CEP128: variants seen among roughly 807,000 people sequenced by gnomAD.
CEP128 encodes the protein centrosomal protein 128.
Under a neutral mutation model 156.7 loss-of-function variants are expected in CEP128, and 132 were observed. The ratio of observed to expected loss-of-function variants is 0.84; its 90% CI spans 0.73 to 0.97. The LOEUF is 0.97. Ranked by LOEUF, CEP128 falls within the 50% of genes least tolerant of loss-of-function variation. CEP128 has a pLI of 0.00. For synonymous variants in CEP128, 469 were observed against 448.9 expected (o/e 1.04, Z -0.57); for missense variants, 1,252 against 1,281.9 (o/e 0.98, Z 0.36).
rs576483343 is a variant in CEP128, at chr14:80,716,695, G to C, written c.2806+26380C>G. Among the ~76,000 whole-genome samples the C allele has an allele frequency of 5.9e-5, 9 of 152,262 alleles. No homozygotes were observed. In the South Asian group the frequency reaches 1.7e-3, roughly 28 times the overall value. On this transcript the variant is annotated intron_variant, in intron 19 of 24. Coordinates refer to ENST00000555265, the MANE Select transcript of CEP128 (RefSeq NM_152446.5). ...ATCCTTAAGGCTGTTGTAAACATTTGGCTGCTATGTACATGCGTGTACGGG... is the reference window on the plus strand; with the variant it reads ...ATCCTTAAGGCTGTTGTAAACATTTCGCTGCTATGTACATGCGTGTACGGG...
chr14:80,640,388 A>G (rs1894358029), intron 19 of CEP128, among the ~76,000 whole-genome samples: 1 of 152,136 alleles, frequency 6.6e-6, no homozygotes, highest in African/African-American at 2.4e-5. Context: ...TTTTCTATTA[A>G]TTCTTCAAGC....
At chr14:80,570,904 T>C (rs552036690) in intron 20 of CEP128, among the ~76,000 whole-genome samples, 2 of 152,128 alleles carry the variant, frequency 1.3e-5, no homozygotes, top group Non-Finnish European at 2.9e-5. Flanking sequence ...ACATACTATA[T>C]CAATAAAATT....
intron 2 of CEP128, among the ~76,000 whole-genome samples, chr14:80,957,516 C>G (rs1193624790): frequency 6.6e-6 from 1 of 151,958 alleles, no homozygotes; most frequent in African/African-American, 2.4e-5. Context: ...TATGCCAGGT[C>G]TCTGAATGTC....
At chr14:80,683,326 A>G (rs539784393) in intron 19 of CEP128, among the ~76,000 whole-genome samples, 2 of 152,286 alleles carry the variant, frequency 1.3e-5, no homozygotes, top group East Asian at 3.9e-4. Context: ...CAATTCTTAT[A>G]TTAGATGAAA....
intron 20 of CEP128, among the ~76,000 whole-genome samples, chr14:80,576,661 CTG>C (rs1891374460): frequency 6.7e-6 from 1 of 148,228 alleles, no homozygotes; most frequent in Non-Finnish European, 1.5e-5. Context: ...GTGTCTGTGT[CTG>C]TGTCTGTGTC....
chr14:80,589,538 G>C (rs1255568335), intron 19 of CEP128, among the ~76,000 whole-genome samples: 1 of 152,092 alleles, frequency 6.6e-6, no homozygotes, highest in African/African-American at 2.4e-5. Context: ...AATGTAACAT[G>C]TCATAAGCTG....
chr14:80,790,755 T>C (rs998930307), intron 14 of CEP128, among the ~76,000 whole-genome samples: 3 of 152,148 alleles, frequency 2.0e-5, no homozygotes, highest in East Asian at 1.9e-4. Context: ...TGCCGTTTTG[T>C]ATATTTTTTA....
intron 13 of CEP128, chr14:80,830,439 G>C: frequency 2.6e-6 from 1 of 384,526 alleles, no homozygotes; most frequent in Non-Finnish European, 4.7e-6. Flanking sequence ...AACAGATACA[G>C]GGAGGATTGA....
chr14:80,524,971 A>T (rs1040536903), intron 23 of CEP128, among the ~76,000 whole-genome samples: 1 of 152,226 alleles, frequency 6.6e-6, no homozygotes, highest in Admixed American at 6.5e-5. Context: ...CGATGAGATT[A>T]CTTGCTGAAC....
chr14:80,749,171 G>C (rs1342934702), intron 18 of CEP128, among the ~76,000 whole-genome samples: 1 of 151,998 alleles, frequency 6.6e-6, no homozygotes, highest in Non-Finnish European at 1.5e-5. Context: ...GGAAAGTAGG[G>C]AAGAGAAAAA....
At chr14:80,535,015 G>A (rs913003157) in intron 21 of CEP128, among the ~76,000 whole-genome samples, 1 of 152,138 alleles carries the variant, frequency 6.6e-6, no homozygotes, top group Non-Finnish European at 1.5e-5. Context: ...AGTACATTGT[G>A]TATATTTGGT....
chr14:80,737,225 G>A (rs1303358229), intron 19 of CEP128, among the ~76,000 whole-genome samples: 2 of 152,022 alleles, frequency 1.3e-5, no homozygotes, highest in Non-Finnish European at 2.9e-5. Flanking sequence ...CCAGTATGGT[G>A]AAACTCCTTC....
chr14:80,875,478 A>G (rs1238641112), intron 8 of CEP128, among the ~76,000 whole-genome samples: 4 of 152,224 alleles, frequency 2.6e-5, no homozygotes, highest in Non-Finnish European at 4.4e-5. Context: ...CAATGTGATC[A>G]AAGTCCAAGA....
At chr14:80,602,469 T>C (rs1426285630) in intron 19 of CEP128, among the ~76,000 whole-genome samples, 1 of 152,134 alleles carries the variant, frequency 6.6e-6, no homozygotes, top group Non-Finnish European at 1.5e-5. Context: ...CCATCAATAA[T>C]GTCTAAATAA....
At chr14:80,519,618 T>C (rs1888644254) in intron 23 of CEP128, among the ~76,000 whole-genome samples, 1 of 152,162 alleles carries the variant, frequency 6.6e-6, no homozygotes, top group Admixed American at 6.5e-5. Context: ...ACTTAATCTC[T>C]TCCTCAGTAA....
intron 18 of CEP128, among the ~76,000 whole-genome samples, chr14:80,754,758 C>T (rs1213186858): frequency 2.0e-5 from 3 of 152,030 alleles, no homozygotes; most frequent in Admixed American, 1.3e-4. Context: ...CCACTGTGCC[C>T]GGACGTCTTG....
intron 14 of CEP128, among the ~76,000 whole-genome samples, chr14:80,786,049 T>A (rs1032704172): frequency 3.9e-5 from 6 of 152,106 alleles, no homozygotes; most frequent in Non-Finnish European, 8.8e-5. Flanking sequence ...CCATTATTTT[T>A]AAAATATCAA....
At chr14:80,717,923 T>TC (rs1897668444) in intron 19 of CEP128, among the ~76,000 whole-genome samples, 1 of 152,192 alleles carries the variant, frequency 6.6e-6, no homozygotes, top group Non-Finnish European at 1.5e-5. Flanking sequence ...CAATGGATTC[T>TC]CCCACTTCAG....
At chr14:80,617,420 A>G (rs535421906) in intron 19 of CEP128, among the ~76,000 whole-genome samples, 138 of 151,786 alleles carry the variant, frequency 9.1e-4, no homozygotes, top group African/African-American at 3.2e-3. Context: ...CATTTTTAGT[A>G]GAGACGGGGT....
Sources: allele counts gnomAD v4.1 joint callset (sites outside exome capture counted in the v4.1 genomes callset), GRCh38; gene constraint gnomAD v4.1.1; transcripts MANE v1.5; gene names NCBI Gene and HGNC (gene_info 2026-07-23, HGNC 2026-07-21).